FGGY: variants seen among roughly 807,000 people sequenced by gnomAD.
The protein encoded by FGGY is FGGY carbohydrate kinase domain-containing protein.
FGGY carries 72 observed loss-of-function variants against 71.3 expected under a neutral mutation model. The observed-to-expected ratio is 1.01, with a 90% confidence interval of 0.84 to 1.23. FGGY has a LOEUF of 1.23. Ranked by LOEUF, FGGY falls within the 50% of genes most tolerant of loss-of-function variation. FGGY has a pLI of 0.00. For missense variants in FGGY, 668 were observed against 682.3 expected (o/e 0.98, Z 0.23); for synonymous variants, 251 against 250.3 (o/e 1.00, Z -0.02).
intron 4 of FGGY, among the ~76,000 whole-genome samples, chr1:59,348,095 CA>C: frequency 6.6e-6 from 1 of 151,996 alleles, no homozygotes; most frequent in East Asian, 2.0e-4. Flanking sequence ...ACAATGAACT[CA>C]AACAAATTTA....
chr1:59,531,751 T>A (rs1404874512), intron 7 of FGGY, among the ~76,000 whole-genome samples: 2 of 152,156 alleles, frequency 1.3e-5, no homozygotes, highest in Non-Finnish European at 2.9e-5. Context: ...AGAGGGAGAA[T>A]ACTAGTAAAT....
chr1:59,753,245 G>T (rs1033826339), intron 14 of FGGY, among the ~76,000 whole-genome samples: 35 of 151,860 alleles, frequency 2.3e-4, no homozygotes, highest in South Asian at 1.0e-3. Context: ...TTGTTATGTT[G>T]TGGTAATTTC....
chr1:59,396,671 G>A (rs1382096793), intron 5 of FGGY, among the ~76,000 whole-genome samples: 1 of 152,108 alleles, frequency 6.6e-6, no homozygotes, highest in African/African-American at 2.4e-5. Flanking sequence ...AACTGGACTT[G>A]GAATCCCAGT....
chr1:59,622,305 C>G (rs2096818130), intron 9 of FGGY, among the ~76,000 whole-genome samples: 1 of 152,082 alleles, frequency 6.6e-6, no homozygotes, highest in Admixed American at 6.6e-5. Flanking sequence ...TTGGTGTTCA[C>G]TAAGTGGCTT....
At chr1:59,584,012 G>T (rs570784617) in intron 8 of FGGY, among the ~76,000 whole-genome samples, 1 of 149,312 alleles carries the variant, frequency 6.7e-6, no homozygotes, top group African/African-American at 2.6e-5. Context: ...TGAAATTGAG[G>T]CAATAATGAA....
At chr1:59,367,492 T>C (rs1481243482) in intron 4 of FGGY, among the ~76,000 whole-genome samples, 1 of 152,246 alleles carries the variant, frequency 6.6e-6, no homozygotes, top group Admixed American at 6.5e-5. Flanking sequence ...GTACTATTTA[T>C]TGAGTGGGGA....
At chr1:59,534,327 T>G (rs2095252285) in intron 7 of FGGY, among the ~76,000 whole-genome samples, 1 of 152,094 alleles carries the variant, frequency 6.6e-6, no homozygotes, top group Non-Finnish European at 1.5e-5. Context: ...AATATGGGAC[T>G]ATGTGAAAAG....
chr1:59,577,848 G>C (rs1212764037), intron 8 of FGGY, among the ~76,000 whole-genome samples: 1 of 152,056 alleles, frequency 6.6e-6, no homozygotes, highest in African/African-American at 2.4e-5. Context: ...TTCGTTGCCT[G>C]GAGAGTAAAA....
At chr1:59,308,084 G>GA (rs546203022) in intron 1 of FGGY, among the ~76,000 whole-genome samples, 1 of 152,188 alleles carries the variant, frequency 6.6e-6, no homozygotes, top group Non-Finnish European at 1.5e-5. Flanking sequence ...GTGTCATGTA[G>GA]AAACATGGGT....
At chr1:59,520,269 C>T (rs2094788203) in intron 7 of FGGY, among the ~76,000 whole-genome samples, 1 of 152,160 alleles carries the variant, frequency 6.6e-6, no homozygotes, top group African/African-American at 2.4e-5. Flanking sequence ...ATTGACTCTT[C>T]AGTAAAAGTA....
intron 5 of FGGY, among the ~76,000 whole-genome samples, chr1:59,454,746 T>C (rs1477293498): frequency 6.6e-6 from 1 of 152,226 alleles, no homozygotes; most frequent in Non-Finnish European, 1.5e-5. Context: ...ATGATTTTAG[T>C]TGTGATTATT....
chr1:59,702,863 C>T (rs922589538), intron 14 of FGGY, among the ~76,000 whole-genome samples: 7 of 152,180 alleles, frequency 4.6e-5, no homozygotes. Flanking sequence ...TGGATGACAG[C>T]TTTGTCCTGG....
At chr1:59,517,033 C>T (rs2094674332) in intron 7 of FGGY, among the ~76,000 whole-genome samples, 1 of 152,102 alleles carries the variant, frequency 6.6e-6, no homozygotes, top group Non-Finnish European at 1.5e-5. Context: ...TCTTAAGGTG[C>T]TGGTTAGTAA....
At chr1:59,580,108 A>C (rs2153748292) in intron 8 of FGGY, among the ~76,000 whole-genome samples, 1 of 152,298 alleles carries the variant, frequency 6.6e-6, no homozygotes. Context: ...AGGTCTATCC[A>C]GACCACCCTA....
chr1:59,384,553 G>A (rs1362829859), intron 5 of FGGY, among the ~76,000 whole-genome samples: 1 of 152,160 alleles, frequency 6.6e-6, no homozygotes, highest in Non-Finnish European at 1.5e-5. Flanking sequence ...CTTTTTAAAG[G>A]TATTAGCGAT....
chr1:59,631,490 C>A (rs901775250), intron 10 of FGGY, among the ~76,000 whole-genome samples: 2 of 152,092 alleles, frequency 1.3e-5, no homozygotes, highest in Non-Finnish European at 2.9e-5. Flanking sequence ...ACTATGGGAC[C>A]CTTTATGCTT....
chr1:59,441,244 ATCAG>A (rs2069792354), intron 5 of FGGY, among the ~76,000 whole-genome samples: 1 of 152,144 alleles, frequency 6.6e-6, no homozygotes, highest in Non-Finnish European at 1.5e-5. Flanking sequence ...GTGTTTGGGA[ATCAG>A]TGCATCTCTC....
chr1:59,490,626 T>C (rs1033579094), intron 6 of FGGY, among the ~76,000 whole-genome samples: 4 of 152,186 alleles, frequency 2.6e-5, no homozygotes, highest in African/African-American at 9.7e-5. Context: ...TCCCCTATGT[T>C]TTCTTCTAGT....
chr1:59,566,051 A>T (rs1256713362), intron 8 of FGGY, among the ~76,000 whole-genome samples: 1 of 152,126 alleles, frequency 6.6e-6, no homozygotes, highest in East Asian at 1.9e-4. Context: ...GGAGAGCATG[A>T]TGAAAACCAC....
Sources: gnomAD v4.1 joint callset for allele counts (sites outside exome capture counted in the v4.1 genomes callset) on GRCh38, gnomAD v4.1.1 for gene constraint, MANE v1.5 for transcripts, NCBI Gene and HGNC (gene_info 2026-07-23, HGNC 2026-07-21) for gene names.